The following RYR3 variants were observed in gnomAD, a reference collection of about 807,000 sequenced individuals.
RYR3 encodes brain ryanodine receptor-calcium release channel.
Under a neutral mutation model 584.3 loss-of-function variants are expected in RYR3, and 207 were observed. The observed-to-expected ratio is 0.35, with a 90% CI of 0.32 to 0.40. The LOEUF is 0.40. RYR3 is among the 10% of genes least tolerant of loss of function. The probability of loss-of-function intolerance (pLI) is 1.00; values close to 1 mark genes in which losing one functional copy is unlikely to be tolerated. For synonymous variants in RYR3, 2,416 were observed against 2,248.5 expected (o/e 1.07, Z -2.11); for missense variants, 5,616 against 6,089.2 (o/e 0.92, Z 2.59).
intron 1 of RYR3, among the ~76,000 whole-genome samples, chr15:33,362,689 C>G (rs1264831407): frequency 2.0e-5 from 3 of 152,172 alleles, no homozygotes; most frequent in Non-Finnish European, 4.4e-5. Flanking sequence ...TCTCTGTTCT[C>G]TCCCATGCTT....
chr15:33,857,477 C>T (rs565784896), intron 98 of RYR3, among the ~76,000 whole-genome samples: 1 of 152,114 alleles, frequency 6.6e-6, no homozygotes, highest in Non-Finnish European at 1.5e-5. Flanking sequence ...TCTCCAAATA[C>T]AGTCACATTC....
At chr15:33,601,764 T>C (rs1472756952) in intron 17 of RYR3, among the ~76,000 whole-genome samples, 1 of 152,232 alleles carries the variant, frequency 6.6e-6, no homozygotes, top group Non-Finnish European at 1.5e-5. Flanking sequence ...TCTGTTTAAG[T>C]AGCTGAGGAT....
chr15:33,548,095 T>C (rs375745809), intron 8 of RYR3, 35 bp from the exon 9 acceptor site: 87 of 1,514,470 alleles, frequency 5.7e-5, no homozygotes, highest in Non-Finnish European at 6.9e-5. Flanking sequence ...ATCAGTGTCA[T>C]GCAAGTAGGA....
intron 4 of RYR3, among the ~76,000 whole-genome samples, chr15:33,530,986 T>C (rs992191261): frequency 2.0e-5 from 3 of 152,092 alleles, no homozygotes; most frequent in Admixed American, 6.6e-5. Context: ...AATAAATATT[T>C]GTTGAATTGA....
rs192952291 is a variant in RYR3, at chr15:33,461,606, G to A, written c.52-11813G>A. On this transcript the variant is annotated intron_variant, in intron 1 of 103. Coordinates refer to ENST00000634891, the MANE Select transcript of RYR3 (RefSeq NM_001036.6). The stretch of plus-strand genomic sequence containing the variant: ...CCAGGATATGATCCTCGCCTTCTAA[G>A]CCTAAACGTTCTGGTGAGAGGGGAA... Among the ~76,000 whole-genome samples the A allele has an allele frequency of 4.8e-3, 737 of 152,262 alleles. 4 individuals carry two copies. Among genetic ancestry groups the A allele is most frequent in the Non-Finnish European group, 8.1e-3 (549 of 68,018 alleles).
intron 86 of RYR3, among the ~76,000 whole-genome samples, chr15:33,832,616 C>G (rs1265544400): frequency 1.4e-5 from 2 of 147,244 alleles, no homozygotes; most frequent in Non-Finnish European, 3.0e-5. Flanking sequence ...GAGATCGCGC[C>G]ATTGCACTAC....
At chr15:33,721,373 G>A (rs566242538) in intron 43 of RYR3, among the ~76,000 whole-genome samples, 27 of 152,346 alleles carry the variant, frequency 1.8e-4, no homozygotes, top group African/African-American at 6.3e-4. Flanking sequence ...ACCTAGCTTA[G>A]CGACTTCAAA....
chr15:33,414,369 C>T (rs766438795), intron 1 of RYR3, among the ~76,000 whole-genome samples: 10 of 152,168 alleles, frequency 6.6e-5, no homozygotes, highest in Non-Finnish European at 1.5e-4. Context: ...AGCTAAAGTT[C>T]TGGAGACCAA....
chr15:33,544,649 T>A (rs2056101163), intron 8 of RYR3, among the ~76,000 whole-genome samples: 1 of 152,142 alleles, frequency 6.6e-6, no homozygotes, highest in Non-Finnish European at 1.5e-5. Flanking sequence ...GCAGAAGCAA[T>A]GTGCTTGAAT....
At chr15:33,447,520 T>A (rs1351795815) in intron 1 of RYR3, among the ~76,000 whole-genome samples, 1 of 152,186 alleles carries the variant, frequency 6.6e-6, no homozygotes, top group Non-Finnish European at 1.5e-5. Context: ...TTTGCAGTAC[T>A]CCAGTCAGAG....
chr15:33,348,151 A>C (rs1972712768), intron 1 of RYR3, among the ~76,000 whole-genome samples: 1 of 152,152 alleles, frequency 6.6e-6, no homozygotes, highest in Non-Finnish European at 1.5e-5. Flanking sequence ...TTATCTATAA[A>C]TTCTACTCCC....
intron 93 of RYR3, 121 bp downstream of exon 93, chr15:33,845,183 G>A: frequency 2.3e-6 from 2 of 886,008 alleles, no homozygotes; most frequent in Non-Finnish European, 3.5e-6. Flanking sequence ...AAGGTCCGTA[G>A]AGCAGCAGCA....
chr15:33,606,890 C>T (rs528115929), intron 18 of RYR3, among the ~76,000 whole-genome samples: 3 of 152,126 alleles, frequency 2.0e-5, no homozygotes, highest in African/African-American at 7.2e-5. Flanking sequence ...ATGAGTAGTA[C>T]GGAAGCGAAT....
chr15:33,857,771 C>G lies in RYR3; in HGVS notation c.14008-9C>G. ...ACTCCTTTTCCTTTCTCTGTCCTCT[C>G]ATTCCCAGTTGGTTCTGACTGTCGG... On this transcript the variant is annotated splice_polypyrimidine_tract_variant and intron_variant, in intron 98 of 103. Coordinates refer to ENST00000634891, the MANE Select transcript of RYR3 (RefSeq NM_001036.6). 1 of 1,614,006 alleles carries G rather than the reference C, an allele frequency of 6.2e-7. No individual in the cohort carries two copies. Among genetic ancestry groups the G allele is most frequent in the Non-Finnish European group, 8.5e-7 (1 of 1,179,876 alleles).
At chr15:33,806,493 A>G (rs1354967360) in intron 69 of RYR3, among the ~76,000 whole-genome samples, 1 of 150,276 alleles carries the variant, frequency 6.7e-6, no homozygotes, top group African/African-American at 2.4e-5. Flanking sequence ...TCTCTTAAGA[A>G]AAAAAAAAAG....
chr15:33,446,153 G>A (rs1596175267), intron 1 of RYR3, among the ~76,000 whole-genome samples: 1 of 152,102 alleles, frequency 6.6e-6, no homozygotes, highest in Non-Finnish European at 1.5e-5. Flanking sequence ...GAGAAAATTC[G>A]TTTAATTACC....
intron 5 of RYR3, among the ~76,000 whole-genome samples, chr15:33,535,970 C>T (rs2055293411): frequency 6.6e-6 from 1 of 152,176 alleles, no homozygotes; most frequent in South Asian, 2.1e-4. Flanking sequence ...GTTTGTTTTG[C>T]ATCTCTCACC....
chr15:33,645,613 T>C (rs1033262051), intron 28 of RYR3, among the ~76,000 whole-genome samples: 8 of 152,222 alleles, frequency 5.3e-5, no homozygotes, highest in African/African-American at 1.2e-4. Flanking sequence ...AGTATTCTTA[T>C]AGGACCCAGG....
At chr15:33,833,511 A>G (rs2077829021) in intron 86 of RYR3, among the ~76,000 whole-genome samples, 1 of 152,228 alleles carries the variant, frequency 6.6e-6, no homozygotes, top group Non-Finnish European at 1.5e-5. Flanking sequence ...ACATGAAGTG[A>G]TAAACCTAAA....
Sources: allele counts gnomAD v4.1 joint callset (sites outside exome capture counted in the v4.1 genomes callset), GRCh38; gene constraint gnomAD v4.1.1; transcripts MANE v1.5; gene names NCBI Gene and HGNC (gene_info 2026-07-23, HGNC 2026-07-21).